Variants in MTTP observed in about 807,000 individuals in gnomAD.
MTTP encodes the protein microsomal triglyceride transfer protein.
MTTP carries 49 observed loss-of-function variants against 90.6 expected under a neutral mutation model. The ratio of observed to expected loss-of-function variants is 0.54; its 90% CI spans 0.43 to 0.69. The LOEUF is 0.69. Ranked by LOEUF, MTTP falls within the 30% of genes least tolerant of loss-of-function variation. The pLI, the probability that MTTP is intolerant of heterozygous loss-of-function variation, is 0.00. For synonymous variants in MTTP, 347 were observed against 384.2 expected, an observed-to-expected ratio of 0.90 and a Z score of 1.13; for missense variants, 945 against 1,067.5, an observed-to-expected ratio of 0.89 and a Z score of 1.60.
At chr4:99,610,697 T>A (rs1403835130) in intron 12 of MTTP, among the ~76,000 whole-genome samples, 1 of 152,152 alleles carries the variant, frequency 6.6e-6, no homozygotes, top group Non-Finnish European at 1.5e-5. Flanking sequence ...ATAGAAGAAA[T>A]ACTGGAAATG....
At chr4:99,598,365 A>G (rs748763568) in intron 8 of MTTP, among the ~76,000 whole-genome samples, 1 of 152,180 alleles carries the variant, frequency 6.6e-6, no homozygotes, top group Non-Finnish European at 1.5e-5. Flanking sequence ...TCTTAACATT[A>G]AAGGCAGACA....
rs759714765 is a variant in MTTP, at chr4:99,623,066, C to T, written c.*218C>T. ...AATCATCATGTGACGCTTTCAACAACGTTCTTAGTTTACTTATACCTCTCT... is the reference window on the plus strand; with the variant it reads ...AATCATCATGTGACGCTTTCAACAATGTTCTTAGTTTACTTATACCTCTCT... On this transcript the variant is annotated 3_prime_UTR_variant, in exon 18 of 18. Coordinates refer to ENST00000265517, the MANE Select transcript of MTTP (RefSeq NM_001386140.1). 56 of 581,288 alleles carry T rather than the reference C, an allele frequency of 9.6e-5. No homozygotes were observed. The highest frequency in any genetic ancestry group is 1.5e-4 in the Non-Finnish European group (50 of 324,750). 36.0% of individuals were successfully genotyped at this position (581,288 alleles called of 1,614,324 possible).
At chr4:99,598,771 A>C (rs6532822) in intron 8 of MTTP, among the ~76,000 whole-genome samples, 1 of 146,484 alleles carries the variant, frequency 6.8e-6, no homozygotes, top group Non-Finnish European at 1.5e-5. Context: ...TCAAGCAATT[A>C]TCCTGCCTCA....
At chr4:99,592,548 T>G (rs1180719788) in intron 6 of MTTP, among the ~76,000 whole-genome samples, 1 of 151,876 alleles carries the variant, frequency 6.6e-6, no homozygotes, top group African/African-American at 2.4e-5. Flanking sequence ...CTTTTAAAAA[T>G]TTCTGGTTAA....
intron 1 of MTTP, among the ~76,000 whole-genome samples, chr4:99,577,300 A>G (rs1421143968): frequency 6.6e-6 from 1 of 152,082 alleles, no homozygotes; most frequent in Admixed American, 6.6e-5. Context: ...GTTGAAGGGC[A>G]GGTTAGAATC....
Position 99,610,611 on chromosome 4 carries a change from A to C in MTTP, c.1770-532A>C, listed in dbSNP as rs560083100. Among the ~76,000 whole-genome samples the C allele has an allele frequency of 1.2e-4, 19 of 152,332 alleles. No individual in the cohort carries two copies. The East Asian group carries it at 3.1e-3, about 25-fold the overall frequency. On this transcript the variant is annotated intron_variant, in intron 12 of 17. Coordinates refer to ENST00000265517, the MANE Select transcript of MTTP (RefSeq NM_001386140.1). ...GATGGACGCAATGGGGTAAGGATTA[A>C]GACTTACTCCAGAGGAGACGATGAT...
chr4:99,604,751 C>T (rs1725773321), intron 10 of MTTP, among the ~76,000 whole-genome samples: 1 of 151,994 alleles, frequency 6.6e-6, no homozygotes. Context: ...TATTTTTTCC[C>T]TCATTTCATC....
At chr4:99,582,441 C>G (rs1411171613) in intron 2 of MTTP, among the ~76,000 whole-genome samples, 2 of 152,156 alleles carry the variant, frequency 1.3e-5, no homozygotes, top group South Asian at 4.1e-4. Flanking sequence ...TTAGACCACT[C>G]TAACTCAAGA....
intron 10 of MTTP, among the ~76,000 whole-genome samples, chr4:99,603,854 A>G (rs1446924734): frequency 6.6e-6 from 1 of 152,170 alleles, no homozygotes; most frequent in Non-Finnish European, 1.5e-5. Flanking sequence ...TAGGAAAGTC[A>G]TGTAGCATAA....
intron 1 of MTTP, among the ~76,000 whole-genome samples, chr4:99,577,516 A>T (rs543936006): frequency 6.7e-6 from 1 of 150,264 alleles, no homozygotes; most frequent in Non-Finnish European, 1.5e-5. Context: ...GAGGCAGGAG[A>T]ATTGCGTGAA....
At chr4:99,612,197 C>G (rs1394042962) in intron 14 of MTTP, among the ~76,000 whole-genome samples, 1 of 152,082 alleles carries the variant, frequency 6.6e-6, no homozygotes, top group African/African-American at 2.4e-5. Context: ...GTACTGTAGT[C>G]AGAGTACTAT....
At chr4:99,611,062 A>T (rs779326460) in intron 12 of MTTP, 81 bp from the exon 13 acceptor site, 1 of 1,481,996 alleles carries the variant, frequency 6.7e-7, no homozygotes, top group Non-Finnish European at 9.4e-7. Flanking sequence ...TTTTCCACTG[A>T]GGATTTTTTT....
intron 8 of MTTP, among the ~76,000 whole-genome samples, chr4:99,599,397 C>T (rs1578245981): frequency 6.6e-6 from 1 of 152,238 alleles, no homozygotes; most frequent in East Asian, 1.9e-4. Context: ...AGGTTTCAAT[C>T]CCAGCAATGC....
intron 3 of MTTP, 147 bp from the exon 4 acceptor site, chr4:99,589,496 C>CA: frequency 1.5e-6 from 1 of 654,324 alleles, no homozygotes; most frequent in Non-Finnish European, 2.8e-6. Flanking sequence ...CTTCTTTTCA[C>CA]AAAAAGGAAA....
At position 99,580,574 on chromosome 4, in the gene MTTP, C is replaced by CAAAAAAA. The variant is rs563138284; in HGVS notation, c.62-1311_62-1305dup. Among the ~76,000 whole-genome samples, 73 of 39,894 alleles carry CAAAAAAA rather than the reference C, an allele frequency of 1.8e-3. 4 individuals carry two copies. The highest frequency in any genetic ancestry group is 3.7e-3 in the African/African-American group (46 of 12,372). 26.2% of individuals were successfully genotyped at this position (39,894 alleles called of 152,430 possible). A position where few individuals can be genotyped will look rare whatever the true frequency, so the allele number is the denominator to read the frequency against. On this transcript the variant is annotated intron_variant, in intron 1 of 17. Coordinates refer to ENST00000265517, the MANE Select transcript of MTTP (RefSeq NM_001386140.1). ...TGGCCGACAGAGTGAGACTCTGTCT[C>CAAAAAAA]AAAAAAAAAAAAAAAAAAAAAAAAA...
At chr4:99,597,823 C>A (rs1049746841) in intron 8 of MTTP, among the ~76,000 whole-genome samples, 3 of 152,190 alleles carry the variant, frequency 2.0e-5, no homozygotes, top group Admixed American at 6.5e-5. Flanking sequence ...TTCCCCAAAA[C>A]ATTGCATCTG....
chr4:99,615,322 T>C (rs1485232526), intron 15 of MTTP, among the ~76,000 whole-genome samples: 1 of 152,242 alleles, frequency 6.6e-6, no homozygotes, highest in Non-Finnish European at 1.5e-5. Context: ...TAAAATTTTA[T>C]GTACAAGAAT....
At position 99,600,604 on chromosome 4, in the gene MTTP, A is replaced by T. The variant is rs1356649946; in HGVS notation, c.1107A>T (p.Ser369=). 6.2e-7 allele frequency: 1 copy of T among 1,613,660 alleles called. No homozygotes were observed. The highest frequency in any genetic ancestry group is 8.5e-7 in the Non-Finnish European group (1 of 1,179,796). ...ATGCTGTCACCTCTGCTCAGACCTC[A>T]GACTCATTAGAAGCCATTTTGGACT... ...LVDAVTSAQT[S]DSLEAILDFL... is the part of the protein sequence containing the mutation. The change falls in exon 9 of 18, where the codon TCA becomes TCT. Residue 369 remains serine (S), a synonymous_variant. Coordinates refer to ENST00000265517, the MANE Select transcript of MTTP (RefSeq NM_001386140.1).
At chr4:99,593,107 G>C (rs531956358) in intron 6 of MTTP, among the ~76,000 whole-genome samples, 19 of 152,282 alleles carry the variant, frequency 1.2e-4, no homozygotes, top group Admixed American at 6.5e-5. Context: ...TGCAGCACAT[G>C]ACTGTATTTA....
Sources: allele counts gnomAD v4.1 joint callset (sites outside exome capture counted in the v4.1 genomes callset), GRCh38; gene constraint gnomAD v4.1.1; transcripts MANE v1.5; gene names NCBI Gene and HGNC (gene_info 2026-07-23, HGNC 2026-07-21).